The following RPL22L1 variants were observed in gnomAD, a reference collection of about 807,000 sequenced individuals.
The protein encoded by RPL22L1 is ribosomal protein eL22-like.
Under a neutral mutation model 17.3 loss-of-function variants are expected in RPL22L1, and 19 were observed. The ratio of observed to expected loss-of-function variants is 1.10; its 90% CI spans 0.77 to 1.61. RPL22L1 has a LOEUF of 1.61. Ranked by LOEUF, RPL22L1 falls within the 40% of genes most tolerant of loss-of-function variation. The pLI is 0.00. For missense variants in RPL22L1, 139 were observed against 144.4 expected (o/e 0.96, Z 0.19); for synonymous variants, 48 against 48.5 (o/e 0.99, Z 0.05).
Position 170,866,511 on chromosome 3 carries a change from G to A in RPL22L1, c.238C>T (p.Leu80Phe), listed in dbSNP as rs778597085. The A allele has an allele frequency of 3.9e-6, 6 of 1,548,134 alleles. No homozygotes were observed. Among genetic ancestry groups the A allele is most frequent in the Non-Finnish European group, 5.2e-6 (6 of 1,144,482 alleles). ...KQFSKRYLKY[L>F]TKKYLKKNNL... is the part of the protein sequence containing the mutation. ...TTCTTCTTAAGGTATTTCTTGGTAA[G>A]GTATTTCAAATACCTTTTAAAATAA... Residue 80 changes from leucine to phenylalanine, a missense_variant, in exon 4 of 4, where the codon CTT becomes TTT. Leu to Phe is a conservative substitution (Grantham distance 22, BLOSUM62 0). Coordinates refer to ENST00000295830, the MANE Select transcript of RPL22L1 (RefSeq NM_001099645.2).
chr3:170,866,194 A>G lies in RPL22L1; in HGVS notation c.*186T>C. 2 of 476,454 alleles carry G rather than the reference A, an allele frequency of 4.2e-6. No homozygotes were observed. The highest frequency in any genetic ancestry group is 7.3e-6 in the Non-Finnish European group (2 of 273,312). The allele number at this position is 476,454 out of a possible 1,614,324, so 29.5% of individuals were successfully genotyped here. A position where few individuals can be genotyped will look rare whatever the true frequency, so the allele number is the denominator to read the frequency against. ...ATTATACCAGCTATAAGCTATTTAA[A>G]TACTGTTGATAGTTATCAGAGGGAA... On this transcript the variant is annotated 3_prime_UTR_variant, in exon 4 of 4. Coordinates refer to ENST00000295830, the MANE Select transcript of RPL22L1 (RefSeq NM_001099645.2).
At chr3:170,870,129 A>T in intron 1 of RPL22L1, 30 bp downstream of exon 1, 2 of 1,613,850 alleles carry the variant, frequency 1.2e-6, no homozygotes, top group Non-Finnish European at 1.7e-6. Flanking sequence ...ATTGCCACAC[A>T]ACACTCCCAC....
chr3:170,865,479 T>C lies in RPL22L1; in HGVS notation c.*901A>G, dbSNP rs1193332663. ...GGGTCCATCCACTTGTAAGTTTCAATAGACAACCAACACGCCGGTGTTGGG... is the reference window on the plus strand; with the variant it reads ...GGGTCCATCCACTTGTAAGTTTCAACAGACAACCAACACGCCGGTGTTGGG... On this transcript the variant is annotated 3_prime_UTR_variant, in exon 4 of 4. Coordinates refer to ENST00000295830, the MANE Select transcript of RPL22L1 (RefSeq NM_001099645.2). 3.3e-5 allele frequency: 5 copies of C among 152,178 alleles called. No individual in the cohort carries two copies. The highest frequency in any genetic ancestry group is 9.7e-5 in the African/African-American group (4 of 41,434). 9.4% of individuals were successfully genotyped at this position (152,178 alleles called of 1,614,324 possible). A position where few individuals can be genotyped will look rare whatever the true frequency, so the allele number is the denominator to read the frequency against.
chr3:170,870,013 G>A (rs1383080602), intron 1 of RPL22L1, 146 bp downstream of exon 1: 2 of 1,187,430 alleles, frequency 1.7e-6, no homozygotes. Flanking sequence ...GGATCCTCGC[G>A]TCTTGGTTGT....
chr3:170,869,173 C>G (rs1170963423), intron 1 of RPL22L1, among the ~76,000 whole-genome samples: 2 of 151,826 alleles, frequency 1.3e-5, no homozygotes, highest in Non-Finnish European at 2.9e-5. Flanking sequence ...ATATCCAAAC[C>G]TTTTATACCA....
At chr3:170,870,114 A>G (rs2108282342) in intron 1 of RPL22L1, 45 bp downstream of exon 1, 2 of 1,613,782 alleles carry the variant, frequency 1.2e-6, no homozygotes, top group East Asian at 4.5e-5. Flanking sequence ...AGCGGAAATC[A>G]TTAAATTGCC....
intron 2 of RPL22L1, 63 bp downstream of exon 2, chr3:170,868,235 A>G (rs1415724608): frequency 6.9e-7 from 1 of 1,450,036 alleles, no homozygotes; most frequent in Non-Finnish European, 9.6e-7. Context: ...ATCAAATACT[A>G]TATATTTAAA....
At chr3:170,869,391 GAAGTT>G (rs958584554) in intron 1 of RPL22L1, among the ~76,000 whole-genome samples, 7 of 152,194 alleles carry the variant, frequency 4.6e-5, no homozygotes, top group Non-Finnish European at 8.8e-5. Flanking sequence ...AGTTGGCGCA[GAAGTT>G]AATTTGGGAG....
At chr3:170,868,537 C>T in intron 1 of RPL22L1, 147 bp from the exon 2 acceptor site, 1 of 555,180 alleles carries the variant, frequency 1.8e-6, no homozygotes, top group Non-Finnish European at 3.2e-6. Context: ...AAAAACACCA[C>T]CACTACCCAC....
chr3:170,865,748 T>C lies in RPL22L1; in HGVS notation c.*632A>G, dbSNP rs1044457149. On this transcript the variant is annotated 3_prime_UTR_variant, in exon 4 of 4. Transcript: ENST00000295830. ...AGAGCAAACTACAGAGCAACTTATA[T>C]GTAAGAACTGTTCTAAGCACTTGAG... 3.3e-5 allele frequency: 5 copies of C among 152,226 alleles called. No homozygotes were observed. Among genetic ancestry groups the C allele is most frequent in the African/African-American group, 7.2e-5 (3 of 41,456 alleles). 9.4% of individuals were successfully genotyped at this position (152,226 alleles called of 1,614,324 possible).
intron 1 of RPL22L1, 153 bp downstream of exon 1, chr3:170,870,006 T>G: frequency 8.9e-7 from 1 of 1,121,230 alleles, no homozygotes; most frequent in Non-Finnish European, 1.3e-6. Flanking sequence ...CAGTTCAGGA[T>G]CCTCGCGTCT....
Position 170,870,173 on chromosome 3 carries a change from G to C in RPL22L1, c.-6C>G. On this transcript the variant is annotated 5_prime_UTR_variant, in exon 1 of 4. Transcript: ENST00000295830. ...CGCTCACTCACCGGCGCCATCTTGC[G>C]AGTCGGCCGCGAGAGCAGAGAGGAA... 6.2e-7 allele frequency: 1 copy of C among 1,613,736 alleles called. No homozygotes were observed. The highest frequency in any genetic ancestry group is 8.5e-7 in the Non-Finnish European group (1 of 1,179,856).
Position 170,866,517 on chromosome 3 carries a change from T to C in RPL22L1, c.232A>G (p.Lys78Glu). 1 of 1,542,244 alleles carries C rather than the reference T, an allele frequency of 6.5e-7. No individual in the cohort carries two copies. The highest frequency in any genetic ancestry group is 8.8e-7 in the Non-Finnish European group (1 of 1,140,724). The change falls in exon 4 of 4, where the codon AAA (lysine) becomes GAA (glutamate). Residue 78 changes from lysine (K) to glutamate (E), a missense_variant. By Grantham distance (56) the Lys-to-Glu change is moderately conservative. Coordinates refer to ENST00000295830, the MANE Select transcript of RPL22L1 (RefSeq NM_001099645.2). Reference protein sequence around the residue: ...SEKQFSKRYLKYLTKKYLKKN... With the variant: ...SEKQFSKRYLEYLTKKYLKKN... ...TTAAGGTATTTCTTGGTAAGGTATTTCAAATACCTTTTAAAATAAAAACAT... is the reference window on the plus strand; with the variant it reads ...TTAAGGTATTTCTTGGTAAGGTATTCCAAATACCTTTTAAAATAAAAACAT...
chr3:170,869,204 A>AT (rs946796647), intron 1 of RPL22L1, among the ~76,000 whole-genome samples: 7 of 152,218 alleles, frequency 4.6e-5, no homozygotes, highest in African/African-American at 1.4e-4. Context: ...ATATGGCTAC[A>AT]TAAGCAAAAT....
At position 170,866,088 on chromosome 3, in the gene RPL22L1, G is replaced by A. The variant is rs770452881; in HGVS notation, c.*292C>T. On this transcript the variant is annotated 3_prime_UTR_variant, in exon 4 of 4. Coordinates refer to ENST00000295830, the MANE Select transcript of RPL22L1 (RefSeq NM_001099645.2). ...TGCACTCCAGCCTGGGTGACAGAAC[G>A]AGAGTGTCTAAAAAAAAGATTTCCT... 3.3e-5 allele frequency: 6 copies of A among 184,036 alleles called. No individual in the cohort carries two copies. The highest frequency in any genetic ancestry group is 1.1e-5 in the Non-Finnish European group (1 of 88,510). 11.4% of individuals were successfully genotyped at this position (184,036 alleles called of 1,614,324 possible).
In RPL22L1 at chr3:170,866,429, C is replaced by T. The variant is rs576804506; in HGVS notation, c.320G>A (p.Arg107His). The change falls in exon 4 of 4, where the codon CGT becomes CAT. Residue 107 changes from arginine (R) to histidine (H), a missense_variant. Transcript: ENST00000295830. ...TTCATCTTGACTAATCTGGAAGTAA[C>T]GAAGTTCGTAGGTCTCCTTGTCAGA... ...VASDKETYEL[R>H]YFQISQDEDE... is the part of the protein sequence containing the mutation. 1.1e-5 allele frequency: 18 copies of T among 1,603,258 alleles called. No homozygotes were observed. Among genetic ancestry groups the T allele is most frequent in the South Asian group, 7.9e-5 (7 of 88,910 alleles).
intron 1 of RPL22L1, 127 bp from the exon 2 acceptor site, chr3:170,868,517 CAATA>C (rs1711858242): frequency 1.7e-6 from 1 of 575,218 alleles, no homozygotes; most frequent in African/African-American, 1.9e-5. Flanking sequence ...AGAAATGTAA[CAATA>C]AATAAAAAAA....
intron 3 of RPL22L1, 60 bp downstream of exon 3, chr3:170,867,949 CTACA>C (rs1711831731): frequency 7.8e-7 from 1 of 1,275,062 alleles, no homozygotes; most frequent in Non-Finnish European, 1.1e-6. Flanking sequence ...CATGTAATAA[CTACA>C]TATTCTATGA....
Position 170,865,161 on chromosome 3 carries a change from G to C in RPL22L1, c.*1219C>G, listed in dbSNP as rs1225770808. On this transcript the variant is annotated 3_prime_UTR_variant, in exon 4 of 4. Coordinates refer to ENST00000295830, the MANE Select transcript of RPL22L1 (RefSeq NM_001099645.2). ...TTGCTGCACTGAGGTATTGCACGAT[G>C]ATGGGGGCACTTAAATTTTTAGGAA... is the stretch of plus-strand genomic sequence containing the variant. The C allele has an allele frequency of 1.3e-5, 2 of 152,236 alleles. No individual in the cohort carries two copies. Among genetic ancestry groups the C allele is most frequent in the Non-Finnish European group, 2.9e-5 (2 of 68,034 alleles). The allele number at this position is 152,236 out of a possible 1,614,324, so 9.4% of individuals were successfully genotyped here. A position where few individuals can be genotyped will look rare whatever the true frequency, so the allele number is the denominator to read the frequency against.
Sources: allele counts gnomAD v4.1 joint callset (sites outside exome capture counted in the v4.1 genomes callset), GRCh38; gene constraint gnomAD v4.1.1; transcripts MANE v1.5; gene names NCBI Gene and HGNC (gene_info 2026-07-23, HGNC 2026-07-21).